The following KCNB2 variants were observed in gnomAD, a reference collection of about 807,000 sequenced individuals.
KCNB2 encodes delayed rectifier potassium channel protein.
Under a neutral mutation model 61.5 loss-of-function variants are expected in KCNB2, and 15 were observed. The ratio of observed to expected loss-of-function variants is 0.24; its 90% CI spans 0.16 to 0.38. The LOEUF (loss-of-function observed/expected upper bound fraction) is 0.38, where lower values mean the gene tolerates loss of function less well. Ranked by LOEUF, KCNB2 falls within the 10% of genes least tolerant of loss-of-function variation. The pLI, the probability that KCNB2 is intolerant of heterozygous loss-of-function variation, is 1.00. For missense variants in KCNB2, 828 were observed against 1,125.2 expected (o/e 0.74, Z 3.78); for synonymous variants, 457 against 446.0 (o/e 1.02, Z -0.31).
At chr8:72,815,124 C>T (rs1210332254) in intron 2 of KCNB2, among the ~76,000 whole-genome samples, 1 of 152,044 alleles carries the variant, frequency 6.6e-6, no homozygotes, top group African/African-American at 2.4e-5. Context: ...ACAAAAGCTA[C>T]CCAGGTAAAA....
chr8:72,928,649 CT>C (rs1405210546), intron 2 of KCNB2, among the ~76,000 whole-genome samples: 1 of 149,660 alleles, frequency 6.7e-6, no homozygotes, highest in Non-Finnish European at 1.5e-5. Flanking sequence ...TCCTGTGGGG[CT>C]TTACTTTCAA....
intron 2 of KCNB2, among the ~76,000 whole-genome samples, chr8:72,627,081 A>C (rs1161123018): frequency 6.6e-6 from 1 of 152,208 alleles, no homozygotes; most frequent in East Asian, 1.9e-4. Context: ...TAATGCCTAA[A>C]ATTCTAAAAG....
At chr8:72,597,626 T>C (rs1807220849) in intron 2 of KCNB2, among the ~76,000 whole-genome samples, 1 of 152,208 alleles carries the variant, frequency 6.6e-6, no homozygotes, top group South Asian at 2.1e-4. Context: ...AGGTAGAGCA[T>C]TTTATTCATC....
intron 2 of KCNB2, among the ~76,000 whole-genome samples, chr8:72,615,148 GC>G (rs1279357426): frequency 6.6e-6 from 1 of 152,206 alleles, no homozygotes; most frequent in Non-Finnish European, 1.5e-5. Flanking sequence ...ACCTGAAACA[GC>G]CCCAAGTCTG....
intron 2 of KCNB2, among the ~76,000 whole-genome samples, chr8:72,852,694 T>C (rs1182666076): frequency 6.6e-6 from 1 of 152,212 alleles, no homozygotes; most frequent in African/African-American, 2.4e-5. Context: ...CAGTCTTATT[T>C]CTCTATGTAA....
intron 2 of KCNB2, among the ~76,000 whole-genome samples, chr8:72,678,831 A>C (rs140913772): frequency 1.0e-3 from 155 of 152,282 alleles, no homozygotes; most frequent in African/African-American, 3.5e-3. Context: ...AGGTTTCTGT[A>C]CTTCATTCAA....
At chr8:72,742,079 T>G (rs1246469120) in intron 2 of KCNB2, among the ~76,000 whole-genome samples, 1 of 152,220 alleles carries the variant, frequency 6.6e-6, no homozygotes, top group Non-Finnish European at 1.5e-5. Context: ...TGCAAAAATA[T>G]GGAACCAGCC....
chr8:72,766,042 C>A (rs544755527), intron 2 of KCNB2, among the ~76,000 whole-genome samples: 2 of 152,340 alleles, frequency 1.3e-5, no homozygotes, highest in African/African-American at 4.8e-5. Context: ...ACACCCAACT[C>A]ACCTGGATGC....
intron 2 of KCNB2, among the ~76,000 whole-genome samples, chr8:72,636,103 G>A (rs1055322714): frequency 1.5e-4 from 23 of 152,250 alleles, no homozygotes; most frequent in Non-Finnish European, 2.4e-4. Flanking sequence ...CAGAGAACCC[G>A]AGGTAACAGC....
chr8:72,673,740 A>G (rs1483538707), intron 2 of KCNB2, among the ~76,000 whole-genome samples: 1 of 152,226 alleles, frequency 6.6e-6, no homozygotes, highest in Non-Finnish European at 1.5e-5. Flanking sequence ...TACATAGAAT[A>G]GACAAATTCA....
At chr8:72,721,933 T>C (rs1392943462) in intron 2 of KCNB2, among the ~76,000 whole-genome samples, 1 of 152,198 alleles carries the variant, frequency 6.6e-6, no homozygotes, top group Non-Finnish European at 1.5e-5. Flanking sequence ...GAGCAAGCTG[T>C]CCGAGACTAA....
At chr8:72,828,940 G>A (rs994273593) in intron 2 of KCNB2, among the ~76,000 whole-genome samples, 2 of 152,082 alleles carry the variant, frequency 1.3e-5, no homozygotes, top group Non-Finnish European at 2.9e-5. Context: ...TTAAATGTAT[G>A]TTGACCTGTG....
intron 2 of KCNB2, among the ~76,000 whole-genome samples, chr8:72,654,428 A>G (rs949736290): frequency 6.6e-6 from 1 of 152,168 alleles, no homozygotes; most frequent in Non-Finnish European, 1.5e-5. Flanking sequence ...TATCCCCACA[A>G]TCTCTAGAAG....
intron 2 of KCNB2, among the ~76,000 whole-genome samples, chr8:72,714,209 G>GAATGA (rs1411893558): frequency 6.6e-6 from 1 of 152,340 alleles, no homozygotes; most frequent in East Asian, 1.9e-4. Flanking sequence ...GTGATGGGGA[G>GAATGA]AATGAAACCA....
At position 72,845,547 on chromosome 8, in the gene KCNB2, T is replaced by C. The variant is rs868350440; in HGVS notation, c.580-90388T>C. ...CTGAAGCTGTGTCCACAGCTGCCCC[T>C]TCCCCCAGGTGCTCTGTCCCAGGGA... On this transcript the variant is annotated intron_variant, in intron 2 of 2. Transcript: ENST00000523207. Among the ~76,000 whole-genome samples, 6 of 152,338 alleles carry C rather than the reference T, an allele frequency of 3.9e-5. No individual in the cohort carries two copies. In the Middle Eastern group the frequency reaches 0.014, roughly 345 times the overall value.
intron 2 of KCNB2, among the ~76,000 whole-genome samples, chr8:72,834,078 G>A (rs1809740019): frequency 6.6e-6 from 1 of 152,084 alleles, no homozygotes; most frequent in African/African-American, 2.4e-5. Flanking sequence ...TATTCATTCT[G>A]TTTTTCACAT....
intron 1 of KCNB2, among the ~76,000 whole-genome samples, chr8:72,543,484 T>G (rs1295314914): frequency 6.6e-6 from 1 of 152,184 alleles, no homozygotes; most frequent in African/African-American, 2.4e-5. Context: ...ATTCATTGAG[T>G]GTGACAGCAG....
chr8:72,693,503 C>T (rs972494403), intron 2 of KCNB2, among the ~76,000 whole-genome samples: 1 of 152,100 alleles, frequency 6.6e-6, no homozygotes, highest in Non-Finnish European at 1.5e-5. Context: ...TGCACGTCCA[C>T]CTCACAGCTG....
intron 2 of KCNB2, among the ~76,000 whole-genome samples, chr8:72,656,822 A>T (rs1217847401): frequency 6.6e-6 from 1 of 152,116 alleles, no homozygotes; most frequent in East Asian, 1.9e-4. Flanking sequence ...TAGAGGTCAT[A>T]GATTTCCTCA....
Sources: gnomAD v4.1 joint callset for allele counts (sites outside exome capture counted in the v4.1 genomes callset) on GRCh38, gnomAD v4.1.1 for gene constraint, MANE v1.5 for transcripts, NCBI Gene and HGNC (gene_info 2026-07-23, HGNC 2026-07-21) for gene names.